PCDHGC4: variants seen among roughly 807,000 people sequenced by gnomAD.
PCDHGC4 encodes protocadherin gamma subfamily C, 4.
A neutral mutation model predicts 59.7 loss-of-function variants in PCDHGC4; 15 were observed. The ratio of observed to expected loss-of-function variants is 0.25; its 90% CI spans 0.17 to 0.39. The LOEUF is 0.39. PCDHGC4 is among the 10% of genes least tolerant of loss of function. PCDHGC4 has a pLI of 1.00. For missense variants in PCDHGC4, 1,016 were observed against 1,189.5 expected, an observed-to-expected ratio of 0.85 and a Z score of 2.15; for synonymous variants, 434 against 481.4, an observed-to-expected ratio of 0.90 and a Z score of 1.29.
Position 141,485,208 on chromosome 5 carries a change from G to T in PCDHGC4, c.35G>T (p.Trp12Leu), listed in dbSNP as rs2099609377. The change falls in exon 1 of 4, where the codon TGG becomes TTG. Residue 12 changes from tryptophan (W) to leucine (L), a missense_variant. Coordinates refer to ENST00000306593, the MANE Select transcript of PCDHGC4 (RefSeq NM_018928.3). This position sits in a 1 kb window ranked among gnomAD's most constrained non-coding sequence, Gnocchi z 5.7. ...AAGGTGAGAAGCTGGACAGAAATCT[G>T]GCGGTGGGCTACCCTTTTGTTCCTC... ...LRKVRSWTEI[W>L]RWATLLFLFY... The T allele has an allele frequency of 6.2e-7, 1 of 1,613,998 alleles. No homozygotes were observed. The highest frequency in any genetic ancestry group is 1.3e-5 in the African/African-American group (1 of 74,930).
Position 141,486,319 on chromosome 5 carries a change from C to T in PCDHGC4, c.1146C>T (p.Asn382=), listed in dbSNP as rs148184642. The T allele has an allele frequency of 1.7e-4, 268 of 1,614,058 alleles. No individual in the cohort carries two copies. The African/African-American group carries it at 1.7e-3, about 10-fold the overall frequency. ...ISVQDPDSGS[N]GDVSLRIPDH... Reference sequence around the variant, plus strand: ...TGCAGGATCCAGACTCAGGGTCAAACGGAGATGTGAGCCTCCGCATTCCTG... The same window carrying T: ...TGCAGGATCCAGACTCAGGGTCAAATGGAGATGTGAGCCTCCGCATTCCTG... Residue 382 remains asparagine, a synonymous_variant, in exon 1 of 4, where the codon AAC becomes AAT. Transcript: ENST00000306593. The surrounding 1 kb of genome is among the most constrained non-coding windows in gnomAD (Gnocchi z 5.0).
chr5:141,497,414 C>A (rs1021294577), intron 2 of PCDHGC4, among the ~76,000 whole-genome samples: 34 of 152,066 alleles, frequency 2.2e-4, no homozygotes, highest in Admixed American at 2.0e-3. Flanking sequence ...CCCATTCCAT[C>A]AAATGAGAGG....
intron 3 of PCDHGC4, 44 bp downstream of exon 3, chr5:141,505,525 G>C: frequency 1.2e-6 from 2 of 1,612,490 alleles, no homozygotes; most frequent in Non-Finnish European, 1.7e-6. Flanking sequence ...GAGACCTGGG[G>C]TTCTGGGGTG....
chr5:141,502,246 T>A (rs1449536622), intron 2 of PCDHGC4, among the ~76,000 whole-genome samples: 1 of 152,206 alleles, frequency 6.6e-6, no homozygotes, highest in African/African-American at 2.4e-5. Flanking sequence ...TTTATCCTTT[T>A]TTTTAATCCA....
Position 141,485,193 on chromosome 5 carries a change from G to C in PCDHGC4, c.20G>C (p.Ser7Thr). 1 of 1,613,988 alleles carries C rather than the reference G, an allele frequency of 6.2e-7. No individual in the cohort carries two copies. Among genetic ancestry groups the C allele is most frequent in the Non-Finnish European group, 8.5e-7 (1 of 1,179,852 alleles). Residue 7 changes from serine to threonine, a missense_variant, in exon 1 of 4, where the codon AGC becomes ACC. Ser to Thr is a moderately conservative substitution (Grantham distance 58, BLOSUM62 1). Transcript: ENST00000306593. This position sits in a 1 kb window ranked among gnomAD's most constrained non-coding sequence, Gnocchi z 5.7. ...GCAGCAATGCTCCGCAAGGTGAGAA[G>C]CTGGACAGAAATCTGGCGGTGGGCT... MLRKVR[S>T]WTEIWRWATL...
chr5:141,494,929 GGA>G, intron 2 of PCDHGC4, 64 bp downstream of exon 2: 1 of 1,613,142 alleles, frequency 6.2e-7, no homozygotes, highest in Non-Finnish European at 8.5e-7. Flanking sequence ...TGACGTGGGA[GGA>G]GATGGGGGAG....
At position 141,490,406 on chromosome 5, in the gene PCDHGC4, T is replaced by G; in HGVS notation, c.2442+2791T>G. On this transcript the variant is annotated intron_variant, in intron 1 of 3. Transcript: ENST00000306593. This position sits in a 1 kb window ranked among gnomAD's most constrained non-coding sequence, Gnocchi z 5.4. ...AGAAATGGTGAAGTGAGCCTTGATA[T>G]CTCTCCGGACCTGCCATTTCAGATT... is the stretch of plus-strand genomic sequence containing the variant. The G allele has an allele frequency of 1.9e-6, 3 of 1,614,112 alleles. No individual in the cohort carries two copies. Among genetic ancestry groups the G allele is most frequent in the Non-Finnish European group, 2.5e-6 (3 of 1,180,020 alleles).
In PCDHGC4 at chr5:141,511,330, T is replaced by C; in HGVS notation, c.*157T>C. 1 of 1,455,994 alleles carries C rather than the reference T, an allele frequency of 6.9e-7. No homozygotes were observed. The highest frequency in any genetic ancestry group is 9.1e-7 in the Non-Finnish European group (1 of 1,093,254). 90.2% of individuals were successfully genotyped at this position (1,455,994 alleles called of 1,614,324 possible). ...TTGGGAAACAGAAACAAGTGCCCAG[T>C]CAGCACCTACCCCTTCCCCCCCAGG... On this transcript the variant is annotated 3_prime_UTR_variant, in exon 4 of 4. Coordinates refer to ENST00000306593, the MANE Select transcript of PCDHGC4 (RefSeq NM_018928.3).
intron 1 of PCDHGC4, chr5:141,492,013 T>G: frequency 1.6e-6 from 1 of 610,970 alleles, no homozygotes; most frequent in Non-Finnish European, 2.7e-6. Context: ...TCCGCGGGTG[T>G]CGGGGGTCCC....
chr5:141,491,208 C>G lies in PCDHGC4; in HGVS notation c.2442+3593C>G. 6.2e-7 allele frequency: 1 copy of G among 1,614,204 alleles called. No individual in the cohort carries two copies. Among genetic ancestry groups the G allele is most frequent in the Non-Finnish European group, 8.5e-7 (1 of 1,180,026 alleles). ...TGAGGGACAATGGTGACCCTTCACTCTCCTCCACAGCCACAGTGCTGCTGG... is the reference window on the plus strand; with the variant it reads ...TGAGGGACAATGGTGACCCTTCACTGTCCTCCACAGCCACAGTGCTGCTGG... On this transcript the variant is annotated intron_variant, in intron 1 of 3. Coordinates refer to ENST00000306593, the MANE Select transcript of PCDHGC4 (RefSeq NM_018928.3). This position sits in a 1 kb window ranked among gnomAD's most constrained non-coding sequence, Gnocchi z 6.9.
intron 2 of PCDHGC4, among the ~76,000 whole-genome samples, chr5:141,496,474 T>A (rs2099769027): frequency 6.6e-6 from 1 of 152,140 alleles, no homozygotes; most frequent in African/African-American, 2.4e-5. Context: ...CTTTCCCCCA[T>A]CCTGCAACCA....
In PCDHGC4 at chr5:141,489,152, A is replaced by C; in HGVS notation, c.2442+1537A>C. The C allele has an allele frequency of 2.1e-6, 2 of 960,350 alleles. No individual in the cohort carries two copies. Among genetic ancestry groups the C allele is most frequent in the Non-Finnish European group, 3.1e-6 (2 of 640,552 alleles). 59.5% of individuals were successfully genotyped at this position (960,350 alleles called of 1,614,324 possible). A position where few individuals can be genotyped will look rare whatever the true frequency, so the allele number is the denominator to read the frequency against. On this transcript the variant is annotated intron_variant, in intron 1 of 3. Transcript: ENST00000306593. This position sits in a 1 kb window ranked among gnomAD's most constrained non-coding sequence, Gnocchi z 4.5. The stretch of plus-strand genomic sequence containing the variant: ...TTTTAAGAGGCTGGAAGGAGACATA[A>C]GAGACTTCAGCTGCTGCATTCCAAG...
chr5:141,485,826 G>A lies in PCDHGC4; in HGVS notation c.653G>A (p.Gly218Glu). The A allele has an allele frequency of 6.2e-7, 1 of 1,614,070 alleles. No individual in the cohort carries two copies. Among genetic ancestry groups the A allele is most frequent in the South Asian group, 1.1e-5 (1 of 91,078 alleles). ...YRLVLTAVDG[G>E]NPPRSGTAEL... Reference sequence around the variant, plus strand: ...CTGGTGCTGACTGCTGTCGATGGAGGGAACCCGCCGAGATCTGGCACCGCA... The same window carrying A: ...CTGGTGCTGACTGCTGTCGATGGAGAGAACCCGCCGAGATCTGGCACCGCA... The change falls in exon 1 of 4, where the codon GGG becomes GAG. Residue 218 changes from glycine (G) to glutamate (E), a missense_variant. Transcript: ENST00000306593. The surrounding 1 kb of genome is among the most constrained non-coding windows in gnomAD (Gnocchi z 5.7).
intron 2 of PCDHGC4, among the ~76,000 whole-genome samples, chr5:141,502,759 C>T (rs535899844): frequency 9.9e-5 from 15 of 152,130 alleles, no homozygotes; most frequent in African/African-American, 3.6e-4. Context: ...CATGTATTTG[C>T]TGGTATTCTT....
At position 141,489,358 on chromosome 5, in the gene PCDHGC4, G is replaced by A; in HGVS notation, c.2442+1743G>A. On this transcript the variant is annotated intron_variant, in intron 1 of 3. Transcript: ENST00000306593. This position sits in a 1 kb window ranked among gnomAD's most constrained non-coding sequence, Gnocchi z 4.5. ...TCGTTACTCAGTGGTGGAGGAGTCT[G>A]AGCCGGGGACGCTGGTGGGGAATGT... 1 of 1,613,144 alleles carries A rather than the reference G, an allele frequency of 6.2e-7. No individual in the cohort carries two copies. The highest frequency in any genetic ancestry group is 8.5e-7 in the Non-Finnish European group (1 of 1,179,278).
chr5:141,493,250 C>T lies in PCDHGC4; in HGVS notation c.2443-1557C>T, dbSNP rs1330348553. On this transcript the variant is annotated intron_variant, in intron 1 of 3. Coordinates refer to ENST00000306593, the MANE Select transcript of PCDHGC4 (RefSeq NM_018928.3). The surrounding 1 kb of genome is among the most constrained non-coding windows in gnomAD (Gnocchi z 4.3). ...TGCTGTTGGCTAGGTACTAACATGC[C>T]TCTCTTATAACAGCTTCACAGAGGT... Among the ~76,000 whole-genome samples the T allele has an allele frequency of 1.3e-5, 2 of 152,154 alleles. No homozygotes were observed. Among genetic ancestry groups the T allele is most frequent in the Non-Finnish European group, 2.9e-5 (2 of 68,024 alleles).
Position 141,486,277 on chromosome 5 carries a change from G to A in PCDHGC4, c.1104G>A (p.Val368=), listed in dbSNP as rs1156704202. 6.2e-7 allele frequency: 1 copy of A among 1,614,020 alleles called. No individual in the cohort carries two copies. The highest frequency in any genetic ancestry group is 1.1e-5 in the South Asian group (1 of 91,056). ...CCGAGAGTGCAGAACCTGGCACTGT[G>A]GTGGCACTTATCAGTGTGCAGGATC... ...TLPESAEPGT[V]VALISVQDPD... is the part of the protein sequence containing the mutation. The change falls in exon 1 of 4, where the codon GTG becomes GTA. Residue 368 remains valine (V), a synonymous_variant. Transcript: ENST00000306593. The surrounding 1 kb of genome is among the most constrained non-coding windows in gnomAD (Gnocchi z 5.0).
chr5:141,499,054 TGAA>T (rs2099789231), intron 2 of PCDHGC4, among the ~76,000 whole-genome samples: 1 of 150,820 alleles, frequency 6.6e-6, no homozygotes, highest in Non-Finnish European at 1.5e-5. Context: ...GGAGAAAAAA[TGAA>T]GAAGACTTAC....
chr5:141,496,234 T>C (rs2154591884), intron 2 of PCDHGC4, among the ~76,000 whole-genome samples: 1 of 152,232 alleles, frequency 6.6e-6, no homozygotes, highest in Middle Eastern at 3.4e-3. Context: ...AGGAACCCCC[T>C]GCGGGCTGAA....
Sources: gnomAD v4.1 joint callset for allele counts (sites outside exome capture counted in the v4.1 genomes callset) on GRCh38, gnomAD v4.1.1 for gene constraint, Gnocchi (gnomAD v3.1) non-coding constraint, MANE v1.5 for transcripts, NCBI Gene and HGNC (gene_info 2026-07-23, HGNC 2026-07-21) for gene names.